The following OSBPL6 variants were observed in gnomAD, a reference collection of about 807,000 sequenced individuals.
OSBPL6 encodes the protein oxysterol-binding protein-related protein 6.
In OSBPL6, 49 loss-of-function variants were observed where a neutral mutation model predicts 125.8. The observed-to-expected ratio is 0.39, with a 90% CI of 0.31 to 0.49. The LOEUF is 0.49. OSBPL6 is among the 20% of genes least tolerant of loss of function. OSBPL6 has a pLI of 0.88. For synonymous variants in OSBPL6, 394 were observed against 391.8 expected, an observed-to-expected ratio of 1.01 and a Z score of -0.07; for missense variants, 986 against 1,135.4, an observed-to-expected ratio of 0.87 and a Z score of 1.89.
chr2:178,290,160 A>G (rs1219976366), intron 2 of OSBPL6, among the ~76,000 whole-genome samples: 3 of 152,076 alleles, frequency 2.0e-5, no homozygotes, highest in African/African-American at 7.2e-5. Flanking sequence ...TATTCCTTCT[A>G]CATTTGTTAG....
At chr2:178,251,307 C>T (rs1240743553) in intron 1 of OSBPL6, among the ~76,000 whole-genome samples, 1 of 151,984 alleles carries the variant, frequency 6.6e-6, no homozygotes, top group East Asian at 1.9e-4. Context: ...ATTCGGTAAG[C>T]CGTCTACTCT....
intron 20 of OSBPL6, among the ~76,000 whole-genome samples, chr2:178,387,803 G>A (rs983353282): frequency 3.3e-5 from 5 of 152,250 alleles, no homozygotes; most frequent in South Asian, 2.1e-4. Flanking sequence ...AGGAGATTGA[G>A]ACCATCCTGG....
chr2:178,202,104 A>C (rs1311809822), intron 1 of OSBPL6, among the ~76,000 whole-genome samples: 3 of 152,192 alleles, frequency 2.0e-5, no homozygotes, highest in African/African-American at 7.2e-5. Context: ...TTGTTGTCAT[A>C]TTTATGTAAT....
Position 178,356,102 on chromosome 2 carries a change from C to A in OSBPL6, c.1154-5580C>A, listed in dbSNP as rs188784578. Among the ~76,000 whole-genome samples the A allele has an allele frequency of 8.5e-5, 13 of 152,238 alleles. No homozygotes were observed. In the East Asian group the frequency reaches 2.3e-3, roughly 27 times the overall value. On this transcript the variant is annotated intron_variant, in intron 12 of 24. Coordinates refer to ENST00000190611, the MANE Select transcript of OSBPL6 (RefSeq NM_032523.4). ...GGAACATATCTCAAAATAATAAGAT[C>A]TATTTATGACAAATTCACAGCCAAT...
chr2:178,355,483 T>C (rs1691696338), intron 12 of OSBPL6, among the ~76,000 whole-genome samples: 1 of 151,932 alleles, frequency 6.6e-6, no homozygotes, highest in African/African-American at 2.4e-5. Flanking sequence ...AACTAGAAAA[T>C]CTACAAGAAA....
At chr2:178,289,675 A>G (rs1457818855) in intron 2 of OSBPL6, among the ~76,000 whole-genome samples, 2 of 152,230 alleles carry the variant, frequency 1.3e-5, no homozygotes, top group East Asian at 1.9e-4. Context: ...GAAGAAGTGC[A>G]TACATTTCAT....
intron 1 of OSBPL6, among the ~76,000 whole-genome samples, chr2:178,244,240 T>A (rs918542271): frequency 1.3e-5 from 2 of 152,192 alleles, no homozygotes; most frequent in Non-Finnish European, 1.5e-5. Flanking sequence ...CCCTTCAGAC[T>A]TTGCTTCACT....
At chr2:178,375,663 T>A (rs1412620981) in intron 15 of OSBPL6, among the ~76,000 whole-genome samples, 1 of 152,174 alleles carries the variant, frequency 6.6e-6, no homozygotes, top group Non-Finnish European at 1.5e-5. Context: ...CCTCAGGTGA[T>A]CCGCCTGCCT....
At chr2:178,379,083 G>A (rs372276978) in intron 15 of OSBPL6, among the ~76,000 whole-genome samples, 1 of 151,808 alleles carries the variant, frequency 6.6e-6, no homozygotes, top group Admixed American at 6.6e-5. Flanking sequence ...GAGGTGGGAG[G>A]ATCCCTTGAG....
chr2:178,317,315 A>G (rs1687827823), intron 3 of OSBPL6, among the ~76,000 whole-genome samples: 1 of 150,896 alleles, frequency 6.6e-6, no homozygotes, highest in Non-Finnish European at 1.5e-5. Context: ...AGCTTGGCAC[A>G]AGTTTTTCAA....
intron 6 of OSBPL6, among the ~76,000 whole-genome samples, chr2:178,331,821 G>T (rs1689220088): frequency 1.3e-5 from 2 of 152,126 alleles, no homozygotes; most frequent in Admixed American, 6.5e-5. Flanking sequence ...AAAAACAGAA[G>T]CTTAAACCTT....
At chr2:178,392,324 G>C (rs749778681) in intron 22 of OSBPL6, 88 bp from the exon 23 acceptor site, 5 of 1,430,640 alleles carry the variant, frequency 3.5e-6, no homozygotes, top group Non-Finnish European at 4.8e-6. Flanking sequence ...TTTGGTGTTA[G>C]TGTAGGTACT....
At chr2:178,292,929 C>G (rs568177733) in intron 2 of OSBPL6, among the ~76,000 whole-genome samples, 1 of 152,142 alleles carries the variant, frequency 6.6e-6, no homozygotes, top group South Asian at 2.1e-4. Flanking sequence ...GTTTAGAATA[C>G]CAAATTTGAA....
At chr2:178,344,922 A>G (rs1324593932) in intron 11 of OSBPL6, among the ~76,000 whole-genome samples, 1 of 152,040 alleles carries the variant, frequency 6.6e-6, no homozygotes, top group Non-Finnish European at 1.5e-5. Context: ...TGAAAATTAG[A>G]AACTGTAGTG....
intron 1 of OSBPL6, among the ~76,000 whole-genome samples, chr2:178,228,509 A>G (rs140800599): frequency 6.6e-6 from 1 of 152,330 alleles, no homozygotes; most frequent in African/African-American, 2.4e-5. Flanking sequence ...CACTCCGGCC[A>G]GGGTGACAGA....
intron 1 of OSBPL6, among the ~76,000 whole-genome samples, chr2:178,249,340 C>A (rs1275500060): frequency 6.6e-6 from 1 of 152,166 alleles, no homozygotes; most frequent in Non-Finnish European, 1.5e-5. Context: ...AATTGATCAT[C>A]TATGTATGGC....
intron 8 of OSBPL6, 89 bp downstream of exon 8, chr2:178,333,130 C>T: frequency 1.4e-6 from 2 of 1,438,124 alleles, no homozygotes; most frequent in Non-Finnish European, 1.9e-6. Context: ...CGTGTGTAAT[C>T]CCAGCACTTT....
chr2:178,309,921 GTTC>G (rs1687115761), intron 3 of OSBPL6, among the ~76,000 whole-genome samples: 1 of 152,234 alleles, frequency 6.6e-6, no homozygotes, highest in Non-Finnish European at 1.5e-5. Context: ...TTAAAAGAGA[GTTC>G]TTCTGTCAAA....
At chr2:178,346,181 C>T (rs1057080279) in intron 11 of OSBPL6, among the ~76,000 whole-genome samples, 7 of 152,192 alleles carry the variant, frequency 4.6e-5, no homozygotes, top group Non-Finnish European at 8.8e-5. Context: ...AGCCAACTCA[C>T]AGCAGCAGCC....
Sources: allele counts gnomAD v4.1 joint callset (sites outside exome capture counted in the v4.1 genomes callset), GRCh38; gene constraint gnomAD v4.1.1; transcripts MANE v1.5; gene names NCBI Gene and HGNC (gene_info 2026-07-23, HGNC 2026-07-21).